Variants in CCN4 observed in about 807,000 individuals in gnomAD.
CCN4 encodes CCN family member 4.
CCN4 carries 30 observed loss-of-function variants against 36.7 expected under a neutral mutation model. That is an observed-to-expected ratio of 0.82 (90% CI 0.61 to 1.11). The LOEUF is 1.11. Among genes scored for constraint, CCN4 ranks in the 50% least tolerant of loss-of-function variants. CCN4 has a pLI of 0.00. For missense variants in CCN4, 505 were observed against 504.9 expected (o/e 1.00, Z 0.00); for synonymous variants, 191 against 195.4 (o/e 0.98, Z 0.19).
chr8:133,225,335 G>C (rs2280834), intron 3 of CCN4, 55 bp from the exon 4 acceptor site: 768,314 of 1,503,106 alleles, frequency 0.51, 198,413 homozygotes, highest in East Asian at 0.63. Context: ...TGAAAGTGAG[G>C]GTTGGGGGCT....
At chr8:133,225,629 A>C in intron 4 of CCN4, 46 bp downstream of exon 4, 8 of 1,477,894 alleles carry the variant, frequency 5.4e-6, no homozygotes, top group Non-Finnish European at 7.2e-6. Flanking sequence ...CAAGCAGACA[A>C]ATATGGGTTT....
At chr8:133,198,839 C>T (rs115859562) in intron 1 of CCN4, among the ~76,000 whole-genome samples, 1,874 of 152,370 alleles carry the variant, frequency 0.012, 41 homozygotes, top group African/African-American at 0.042. Context: ...TCCTGACCAC[C>T]TGTGCCCTCA....
chr8:133,224,227 T>C (rs1400845592), intron 3 of CCN4, among the ~76,000 whole-genome samples: 2 of 123,622 alleles, frequency 1.6e-5, no homozygotes, highest in African/African-American at 6.4e-5. Context: ...AGCCCGTAAG[T>C]CCTTTTTTTT....
rs960017959 is a variant in CCN4 at position 133,229,697 on chromosome 8, A to T, written c.*1987A>T. Reference sequence around the variant, plus strand: ...CATTAAATACTTGATGAATACAGGAAGCTGTGCATGTGTTCCTACTTTTAT... The same window carrying T: ...CATTAAATACTTGATGAATACAGGATGCTGTGCATGTGTTCCTACTTTTAT... On this transcript the variant is annotated 3_prime_UTR_variant, in exon 5 of 5. Coordinates refer to ENST00000250160, the MANE Select transcript of CCN4 (RefSeq NM_003882.4). 1 of 152,246 alleles carries T rather than the reference A, an allele frequency of 6.6e-6. No homozygotes were observed. Among genetic ancestry groups the T allele is most frequent in the African/African-American group, 2.4e-5 (1 of 41,470 alleles). The allele number at this position is 152,246 out of a possible 1,614,324, so 9.4% of individuals were successfully genotyped here. A position where few individuals can be genotyped will look rare whatever the true frequency, so the allele number is the denominator to read the frequency against.
intron 2 of CCN4, among the ~76,000 whole-genome samples, chr8:133,214,935 A>G (rs769224669): frequency 6.6e-6 from 1 of 152,260 alleles, no homozygotes; most frequent in East Asian, 1.9e-4. Context: ...CAGTCAGACA[A>G]TTTTATTTTA....
At chr8:133,192,441 C>T (rs1164077641) in intron 1 of CCN4, among the ~76,000 whole-genome samples, 1 of 152,172 alleles carries the variant, frequency 6.6e-6, no homozygotes, top group East Asian at 1.9e-4. Flanking sequence ...ACCACCTTAC[C>T]AGAAAGTTAT....
chr8:133,211,403 G>A (rs776897063), intron 1 of CCN4, among the ~76,000 whole-genome samples: 2 of 152,248 alleles, frequency 1.3e-5, no homozygotes, highest in African/African-American at 2.4e-5. Flanking sequence ...TCTGTTGAGT[G>A]AATGAAAGAA....
At position 133,191,962 on chromosome 8, in the gene CCN4, A is replaced by G. The variant is rs904690631; in HGVS notation, c.69+749A>G. 8.5e-5 allele frequency among the ~76,000 whole-genome samples: 13 copies of G among 152,166 alleles called. No homozygotes were observed. In the South Asian group the frequency reaches 2.7e-3, roughly 31 times the overall value. On this transcript the variant is annotated intron_variant, in intron 1 of 4. Transcript: ENST00000250160. ...ACAAAGGTCTGCACCTCCAAAAGCC[A>G]GGGGAGTCACATATGTGACCGTGTA... is the stretch of plus-strand genomic sequence containing the variant.
rs1854845588 is a variant in CCN4 at position 133,228,838 on chromosome 8, C to T, written c.*1128C>T. The stretch of plus-strand genomic sequence containing the variant: ...TCTATTGCAGAGACTCATTTCACAG[C>T]CTTTCGTTCTGCTGACCAAATGGCC... On this transcript the variant is annotated 3_prime_UTR_variant, in exon 5 of 5. Transcript: ENST00000250160. The T allele has an allele frequency of 6.6e-6, 1 of 152,124 alleles. No individual in the cohort carries two copies. 9.4% of individuals were successfully genotyped at this position (152,124 alleles called of 1,614,324 possible).
At chr8:133,192,626 A>G (rs1853156396) in intron 1 of CCN4, among the ~76,000 whole-genome samples, 1 of 152,202 alleles carries the variant, frequency 6.6e-6, no homozygotes, top group African/African-American at 2.4e-5. Flanking sequence ...AGAAGGAGCT[A>G]AGTCGCTGTT....
At chr8:133,217,958 A>T (rs1370047063) in intron 2 of CCN4, among the ~76,000 whole-genome samples, 1 of 151,926 alleles carries the variant, frequency 6.6e-6, no homozygotes, top group Non-Finnish European at 1.5e-5. Context: ...ACACACACAC[A>T]CACTCTTCCT....
intron 1 of CCN4, among the ~76,000 whole-genome samples, chr8:133,208,700 A>T (rs1347157066): frequency 6.6e-6 from 1 of 151,780 alleles, no homozygotes; most frequent in African/African-American, 2.4e-5. Flanking sequence ...TTCCTCACTG[A>T]TCTATTCCCA....
At chr8:133,212,832 A>T in intron 1 of CCN4, 32 bp from the exon 2 acceptor site, 1 of 1,481,626 alleles carries the variant, frequency 6.7e-7, no homozygotes, top group Non-Finnish European at 9.1e-7. Flanking sequence ...CTGTCTCAGC[A>T]GCCCCCCTTT....
At chr8:133,206,613 T>C (rs1167214164) in intron 1 of CCN4, among the ~76,000 whole-genome samples, 3 of 152,150 alleles carry the variant, frequency 2.0e-5, no homozygotes, top group Non-Finnish European at 4.4e-5. Flanking sequence ...CATGTGTGTG[T>C]GTATGACAGA....
chr8:133,223,526 C>T (rs1854608480), intron 3 of CCN4, among the ~76,000 whole-genome samples: 1 of 152,204 alleles, frequency 6.6e-6, no homozygotes, highest in South Asian at 2.1e-4. Flanking sequence ...TCCTCTTTAT[C>T]CTTCTAATCC....
Position 133,227,767 on chromosome 8 carries a change from C to G in CCN4, c.*57C>G. 2.6e-6 allele frequency: 4 copies of G among 1,553,636 alleles called. No homozygotes were observed. The highest frequency in any genetic ancestry group is 3.5e-6 in the Non-Finnish European group (4 of 1,147,626). On this transcript the variant is annotated 3_prime_UTR_variant, in exon 5 of 5. Transcript: ENST00000250160. ...CCCAATGCCTGTGAAGCAGTCAGCC[C>G]TTATGGCCAATAACTTTTCACCAAT...
At position 133,228,985 on chromosome 8, in the gene CCN4, C is replaced by CA; in HGVS notation, c.*1275_*1276insA. ...AAGGTTGTTGTTAATGAATATCAGG[C>CA]TATTATTTATTGTATTAGGAAAATA... On this transcript the variant is annotated 3_prime_UTR_variant, in exon 5 of 5. Transcript: ENST00000250160. 6.6e-6 allele frequency: 1 copy of CA among 152,292 alleles called. No individual in the cohort carries two copies. The highest frequency in any genetic ancestry group is 2.4e-5 in the African/African-American group (1 of 41,560). 9.4% of individuals were successfully genotyped at this position (152,292 alleles called of 1,614,324 possible).
chr8:133,198,124 A>G (rs1853455603), intron 1 of CCN4, among the ~76,000 whole-genome samples: 1 of 152,164 alleles, frequency 6.6e-6, no homozygotes, highest in African/African-American at 2.4e-5. Flanking sequence ...TTCCAGCTGG[A>G]GCTGCCATAT....
intron 3 of CCN4, 36 bp from the exon 4 acceptor site, chr8:133,225,354 C>T: frequency 6.5e-7 from 1 of 1,541,990 alleles, no homozygotes; most frequent in Non-Finnish European, 8.8e-7. Context: ...CTGGTGGGAG[C>T]TGTAGATTCA....
Sources: gnomAD v4.1 joint callset for allele counts (sites outside exome capture counted in the v4.1 genomes callset) on GRCh38, gnomAD v4.1.1 for gene constraint, MANE v1.5 for transcripts, NCBI Gene and HGNC (gene_info 2026-07-23, HGNC 2026-07-21) for gene names.